The following AP2B1 variants were observed in gnomAD, a reference collection of about 807,000 sequenced individuals.
AP2B1 encodes adaptor related protein complex 2 subunit beta 1.
Under a neutral mutation model 102.0 loss-of-function variants are expected in AP2B1, and 23 were observed. The observed-to-expected ratio is 0.23, with a 90% CI of 0.16 to 0.32. The LOEUF (loss-of-function observed/expected upper bound fraction) is 0.32, where lower values mean the gene tolerates loss of function less well. Ranked by LOEUF, AP2B1 falls within the 10% of genes least tolerant of loss-of-function variation. AP2B1 has a pLI of 1.00. For missense variants in AP2B1, 541 were observed against 1,157.4 expected (o/e 0.47, Z 7.73); for synonymous variants, 381 against 421.2 (o/e 0.90, Z 1.17).
intron 14 of AP2B1, among the ~76,000 whole-genome samples, chr17:35,661,826 A>C (rs986276987): frequency 6.6e-6 from 1 of 152,038 alleles, no homozygotes; most frequent in African/African-American, 2.4e-5. Flanking sequence ...TTTTACTGTC[A>C]CACTCATAAA....
At chr17:35,624,974 AG>A (rs1485637604) in intron 6 of AP2B1, among the ~76,000 whole-genome samples, 1 of 152,178 alleles carries the variant, frequency 6.6e-6, no homozygotes, top group Non-Finnish European at 1.5e-5. Context: ...TATATAATTC[AG>A]TATGAGAGAG....
chr17:35,684,308 A>G (rs1271494872), intron 18 of AP2B1, among the ~76,000 whole-genome samples: 2 of 152,248 alleles, frequency 1.3e-5, no homozygotes, highest in African/African-American at 4.8e-5. Flanking sequence ...AGACTATGAA[A>G]TATATTTAAA....
intron 13 of AP2B1, among the ~76,000 whole-genome samples, chr17:35,655,638 A>G (rs1451256259): frequency 6.6e-6 from 1 of 152,124 alleles, no homozygotes; most frequent in Non-Finnish European, 1.5e-5. Context: ...TTATGTATAT[A>G]TTTCTCTTGG....
chr17:35,596,836 C>G, intron 2 of AP2B1: 1 of 670,006 alleles, frequency 1.5e-6, no homozygotes, highest in Non-Finnish European at 2.8e-6. Context: ...AGGCGCTGCC[C>G]CACACCGCAC....
intron 12 of AP2B1, among the ~76,000 whole-genome samples, chr17:35,647,054 C>T (rs2074953178): frequency 2.0e-5 from 3 of 152,130 alleles, no homozygotes; most frequent in African/African-American, 7.2e-5. Context: ...TATTACTAGT[C>T]CATAAAGACA....
intron 12 of AP2B1, among the ~76,000 whole-genome samples, chr17:35,648,811 TGGCTATTTGG>T (rs1185375363): frequency 6.6e-6 from 1 of 151,468 alleles, no homozygotes; most frequent in African/African-American, 2.4e-5. Flanking sequence ...TTACTAATCA[TGGCTATTTGG>T]GGGATTGGGA....
chr17:35,623,478 C>A (rs2074238493), intron 5 of AP2B1, among the ~76,000 whole-genome samples: 1 of 152,162 alleles, frequency 6.6e-6, no homozygotes, highest in Non-Finnish European at 1.5e-5. Context: ...GTGGGAAAAT[C>A]CCTTGAACCC....
chr17:35,658,190 TG>T (rs1204496023), intron 14 of AP2B1, among the ~76,000 whole-genome samples: 1 of 152,154 alleles, frequency 6.6e-6, no homozygotes, highest in Non-Finnish European at 1.5e-5. Context: ...CATCCTATTT[TG>T]AGGCTTTCAA....
At chr17:35,719,468 G>T (rs1166048024) in intron 21 of AP2B1, among the ~76,000 whole-genome samples, 1 of 151,988 alleles carries the variant, frequency 6.6e-6, no homozygotes, top group Admixed American at 6.6e-5. Context: ...TTAGAATGTT[G>T]TATAAATTAC....
intron 17 of AP2B1, 35 bp downstream of exon 17, chr17:35,674,356 C>T: frequency 1.2e-6 from 2 of 1,611,228 alleles, no homozygotes; most frequent in Non-Finnish European, 1.7e-6. Context: ...GATGTTGAGA[C>T]AACAGTTTGC....
chr17:35,594,138 A>C, intron 2 of AP2B1, 71 bp downstream of exon 2: 2 of 1,080,534 alleles, frequency 1.9e-6, no homozygotes, highest in Admixed American at 2.2e-5. Flanking sequence ...CCCAGGCAGA[A>C]TGCTGCTGAC....
In AP2B1 at chr17:35,594,172, G is replaced by A. The variant is rs114838337; in HGVS notation, c.37+105G>A. ...ACCTCTTCCTTCAGACATACATGTA[G>A]CTGACAATCTCACTGGACATCTACT... On this transcript the variant is annotated intron_variant, in intron 2 of 21. Transcript: ENST00000610402. The A allele has an allele frequency of 7.9e-4, 521 of 655,746 alleles. 5 individuals are homozygous for A. In the African/African-American group the frequency reaches 9.0e-3, roughly 11 times the overall value. The allele number at this position is 655,746 out of a possible 1,614,324, so 40.6% of individuals were successfully genotyped here. A position where few individuals can be genotyped will look rare whatever the true frequency, so the allele number is the denominator to read the frequency against.
At chr17:35,593,885 A>G in intron 1 of AP2B1, 123 bp from the exon 2 acceptor site, 1 of 521,274 alleles carries the variant, frequency 1.9e-6, no homozygotes, top group South Asian at 3.3e-5. Flanking sequence ...GGAAGATGAT[A>G]CTCATTTTTA....
intron 17 of AP2B1, among the ~76,000 whole-genome samples, chr17:35,675,193 T>C (rs973300924): frequency 3.9e-5 from 6 of 152,252 alleles, no homozygotes; most frequent in Non-Finnish European, 8.8e-5. Flanking sequence ...TTTTGAAACA[T>C]CAGTGGGTTT....
intron 5 of AP2B1, among the ~76,000 whole-genome samples, chr17:35,610,636 A>G (rs2073830565): frequency 8.9e-6 from 1 of 112,448 alleles, no homozygotes; most frequent in Non-Finnish European, 1.8e-5. Context: ...GGCCGGGTGC[A>G]GTGGCTCATG....
intron 11 of AP2B1, 150 bp from the exon 12 acceptor site, chr17:35,641,727 A>G: frequency 2.0e-6 from 1 of 510,294 alleles, no homozygotes; most frequent in East Asian, 2.8e-5. Context: ...GCTGTTGTTG[A>G]TATTGATTGA....
At chr17:35,627,281 G>A in intron 7 of AP2B1, 104 bp from the exon 8 acceptor site, 1 of 661,532 alleles carries the variant, frequency 1.5e-6, no homozygotes, top group Non-Finnish European at 2.3e-6. Context: ...CCTGAGTGGA[G>A]CGAGAGGAGA....
chr17:35,712,037 G>A (rs1022349680), intron 20 of AP2B1, among the ~76,000 whole-genome samples: 13 of 152,184 alleles, frequency 8.5e-5, no homozygotes, highest in African/African-American at 1.7e-4. Context: ...ATTGTTTCAC[G>A]TCTCTGGAGC....
At chr17:35,674,468 C>G (rs746857563) in intron 17 of AP2B1, 147 bp downstream of exon 17, 2 of 972,586 alleles carry the variant, frequency 2.1e-6, no homozygotes, top group South Asian at 3.6e-5. Flanking sequence ...TTTGGGAGGC[C>G]GAGACGGGCT....
Sources: allele counts gnomAD v4.1 joint callset (sites outside exome capture counted in the v4.1 genomes callset), GRCh38; gene constraint gnomAD v4.1.1; transcripts MANE v1.5; gene names NCBI Gene and HGNC (gene_info 2026-07-23, HGNC 2026-07-21).